Variants in CNTN5 observed in about 807,000 individuals in gnomAD.
CNTN5 encodes contactin-5.
CNTN5 carries 77 observed loss-of-function variants against 129.1 expected under a neutral mutation model. The ratio of observed to expected loss-of-function variants is 0.60; its 90% CI spans 0.50 to 0.72. The LOEUF (loss-of-function observed/expected upper bound fraction) is 0.72. Among genes scored for constraint, CNTN5 ranks in the 30% least tolerant of loss-of-function variants. The pLI, the probability that CNTN5 is intolerant of heterozygous loss-of-function variation, is 0.00. For synonymous variants in CNTN5, 509 were observed against 465.6 expected (o/e 1.09, Z -1.20); for missense variants, 1,478 against 1,328.8 (o/e 1.11, Z -1.75).
chr11:100,274,216 T>C (rs1950459988), intron 18 of CNTN5, among the ~76,000 whole-genome samples: 1 of 152,098 alleles, frequency 6.6e-6, no homozygotes, highest in Non-Finnish European at 1.5e-5. Flanking sequence ...TATACAAAAA[T>C]TAACTCAAGA....
chr11:99,636,385 T>TTC (rs1752841030), intron 3 of CNTN5, among the ~76,000 whole-genome samples: 1 of 20,448 alleles, frequency 4.9e-5, no homozygotes, highest in Non-Finnish European at 9.1e-5. Flanking sequence ...TTTTTTTTTC[T>TTC]TTTTTTTTGT....
intron 4 of CNTN5, among the ~76,000 whole-genome samples, chr11:99,839,520 T>A (rs914862203): frequency 1.3e-5 from 2 of 152,048 alleles, no homozygotes; most frequent in Non-Finnish European, 2.9e-5. Flanking sequence ...ATAGTCAAAC[T>A]CCTAACCTAA....
intron 1 of CNTN5, among the ~76,000 whole-genome samples, chr11:99,157,086 T>G (rs920758400): frequency 6.6e-6 from 1 of 152,016 alleles, no homozygotes; most frequent in Non-Finnish European, 1.5e-5. Flanking sequence ...AAGTGGTAAG[T>G]TTTGGTGATG....
At chr11:99,750,870 A>G (rs567924500) in intron 3 of CNTN5, among the ~76,000 whole-genome samples, 2 of 152,290 alleles carry the variant, frequency 1.3e-5, no homozygotes, top group South Asian at 4.1e-4. Context: ...TATAGCCTGG[A>G]GCATCTGTTT....
intron 1 of CNTN5, among the ~76,000 whole-genome samples, chr11:99,036,675 T>G (rs987423465): frequency 2.6e-5 from 4 of 152,192 alleles, no homozygotes; most frequent in Non-Finnish European, 5.9e-5. Context: ...ATGATACTAA[T>G]ACTCCCACTA....
At chr11:99,833,518 C>G (rs1286979925) in intron 4 of CNTN5, among the ~76,000 whole-genome samples, 1 of 152,102 alleles carries the variant, frequency 6.6e-6, no homozygotes, top group Admixed American at 6.6e-5. Context: ...CTTTGCTTAA[C>G]TGGAGACTAA....
chr11:99,922,343 A>G (rs1468789153), intron 7 of CNTN5, among the ~76,000 whole-genome samples: 1 of 152,206 alleles, frequency 6.6e-6, no homozygotes, highest in African/African-American at 2.4e-5. Context: ...GAAAGCTACA[A>G]GTCAAGATGA....
chr11:99,224,116 C>T (rs1026678943), intron 1 of CNTN5, among the ~76,000 whole-genome samples: 5 of 152,082 alleles, frequency 3.3e-5, no homozygotes, highest in Non-Finnish European at 5.9e-5. Context: ...GCAATAAATG[C>T]CCGATAGAAG....
rs567365912 is a variant in CNTN5 at position 100,346,833 on chromosome 11, G to A, written c.3031-3869G>A. Among the ~76,000 whole-genome samples the A allele has an allele frequency of 1.5e-3, 228 of 152,208 alleles. 3 individuals are homozygous for A. Among genetic ancestry groups the A allele is most frequent in the East Asian group, 7.8e-4 (4 of 5,146 alleles). On this transcript the variant is annotated intron_variant, in intron 23 of 24. Coordinates refer to ENST00000524871, the MANE Select transcript of CNTN5 (RefSeq NM_014361.4). ...TCCTGAGACTGAGCAATTTGTAAAAGAAAGAGTTTTAATGGACTCACAGTT... is the reference window on the plus strand; with the variant it reads ...TCCTGAGACTGAGCAATTTGTAAAAAAAAGAGTTTTAATGGACTCACAGTT...
intron 2 of CNTN5, among the ~76,000 whole-genome samples, chr11:99,456,592 T>A (rs1320230120): frequency 6.6e-6 from 1 of 151,982 alleles, no homozygotes. Flanking sequence ...GACAGAAGAG[T>A]TCATCTCAAA....
At chr11:99,519,230 C>A (rs1023430238) in intron 2 of CNTN5, among the ~76,000 whole-genome samples, 3 of 152,018 alleles carry the variant, frequency 2.0e-5, no homozygotes, top group African/African-American at 7.2e-5. Flanking sequence ...TTTCTACTCA[C>A]CCTTACGTTC....
At chr11:99,783,621 C>A (rs1945397550) in intron 3 of CNTN5, among the ~76,000 whole-genome samples, 1 of 129,846 alleles carries the variant, frequency 7.7e-6, no homozygotes. Context: ...ACATATACAC[C>A]ATGGAATACT....
intron 7 of CNTN5, among the ~76,000 whole-genome samples, chr11:99,930,012 G>A (rs1950155038): frequency 6.6e-6 from 1 of 152,160 alleles, no homozygotes; most frequent in African/African-American, 2.4e-5. Context: ...TGCTCTTATA[G>A]ACTTATTATT....
chr11:99,063,210 T>A (rs1300738192), intron 1 of CNTN5, among the ~76,000 whole-genome samples: 1 of 152,078 alleles, frequency 6.6e-6, no homozygotes, highest in African/African-American at 2.4e-5. Context: ...CAAGAACTAT[T>A]TATTTAATAA....
chr11:99,685,372 A>G (rs1390745787), intron 3 of CNTN5, among the ~76,000 whole-genome samples: 5 of 151,820 alleles, frequency 3.3e-5, no homozygotes, highest in Admixed American at 3.3e-4. Flanking sequence ...CATATATGTC[A>G]CTTAGGTCAT....
chr11:99,678,449 A>G (rs1161514638), intron 3 of CNTN5, among the ~76,000 whole-genome samples: 2 of 152,142 alleles, frequency 1.3e-5, no homozygotes, highest in African/African-American at 2.4e-5. Context: ...TCTCTCCACT[A>G]ATTATTTTCC....
At chr11:99,070,698 A>G (rs2135245886) in intron 1 of CNTN5, among the ~76,000 whole-genome samples, 1 of 150,548 alleles carries the variant, frequency 6.6e-6, no homozygotes, top group South Asian at 2.1e-4. Flanking sequence ...TTTACAGATC[A>G]AGGTATACCA....
At chr11:100,015,693 CACTT>C (rs1485339607) in intron 9 of CNTN5, among the ~76,000 whole-genome samples, 2 of 151,922 alleles carry the variant, frequency 1.3e-5, no homozygotes, top group Non-Finnish European at 2.9e-5. Context: ...TTTTTCAAGA[CACTT>C]AATTTTAAAA....
intron 1 of CNTN5, among the ~76,000 whole-genome samples, chr11:99,259,064 G>A (rs991440204): frequency 6.6e-6 from 1 of 151,760 alleles, no homozygotes; most frequent in African/African-American, 2.4e-5. Context: ...TGTTTTTAAA[G>A]ATAAGTTAAT....
Sources: gnomAD v4.1 joint callset for allele counts (sites outside exome capture counted in the v4.1 genomes callset) on GRCh38, gnomAD v4.1.1 for gene constraint, MANE v1.5 for transcripts, NCBI Gene and HGNC (gene_info 2026-07-23, HGNC 2026-07-21) for gene names.